The following RBBP4 variants were observed in gnomAD, a reference collection of about 807,000 sequenced individuals.
RBBP4 encodes RB binding protein 4, chromatin remodeling factor.
A neutral mutation model predicts 57.2 loss-of-function variants in RBBP4; 3 were observed. The observed-to-expected ratio is 0.05, with a 90% confidence interval of 0.02 to 0.14. RBBP4 has a LOEUF of 0.14. Among genes scored for constraint, RBBP4 ranks in the 10% least tolerant of loss-of-function variants. The pLI is 1.00. For synonymous variants in RBBP4, 151 were observed against 171.5 expected (o/e 0.88, Z 0.93); for missense variants, 107 against 520.6 (o/e 0.21, Z 7.73).
At chr1:32,660,441 G>T (rs1206012908) in intron 3 of RBBP4, among the ~76,000 whole-genome samples, 2 of 14,566 alleles carry the variant, frequency 1.4e-4, no homozygotes, top group Non-Finnish European at 2.0e-4. Context: ...TTTTGAGTCG[G>T]AGTCTGGCTC....
At chr1:32,670,841 G>A (rs891663422) in intron 8 of RBBP4, among the ~76,000 whole-genome samples, 1 of 152,200 alleles carries the variant, frequency 6.6e-6, no homozygotes, top group African/African-American at 2.4e-5. Context: ...TAATTCTGGT[G>A]TGTGAAGGTG....
rs1553194653 is a variant in RBBP4, at chr1:32,661,811, T to TTC, written c.310+4239_310+4240insTC. On this transcript the variant is annotated intron_variant, in intron 3 of 11. Transcript: ENST00000373493. ...ATTGGTGATGTTGATCTTTTTTTTTTCACATTCGTTGTCTGCTTATATGTG... is the reference window on the plus strand; with the variant it reads ...ATTGGTGATGTTGATCTTTTTTTTTTTCCACATTCGTTGTCTGCTTATATGTG... Among the ~76,000 whole-genome samples the TTC allele has an allele frequency of 2.3e-3, 330 of 144,554 alleles. 3 individuals carry two copies. The highest frequency in any genetic ancestry group is 7.7e-3 in the African/African-American group (297 of 38,778). 94.8% of individuals were successfully genotyped at this position (144,554 alleles called of 152,430 possible).
Position 32,681,875 on chromosome 1 carries a change from GAA to G in RBBP4, c.*2174_*2175del. ...CTAAACAGCCCCTGTAAAGTTGAAA[GAA>G]AAAGTTTATAACAGTGAACTTCTGA... On this transcript the variant is annotated 3_prime_UTR_variant, in exon 12 of 12. Transcript: ENST00000373493. The G allele has an allele frequency of 6.2e-7, 1 of 1,613,226 alleles. No homozygotes were observed.
chr1:32,679,562 C>G (rs1202255437), intron 11 of RBBP4, 78 bp from the exon 12 acceptor site: 5 of 1,313,432 alleles, frequency 3.8e-6, no homozygotes, highest in African/African-American at 1.5e-5. Context: ...CTCTGGCTTC[C>G]TGGCCTAATC....
chr1:32,652,376 G>A, intron 2 of RBBP4: 1 of 227,612 alleles, frequency 4.4e-6, no homozygotes, highest in South Asian at 7.1e-5. Context: ...TTATGGCCAG[G>A]AGCAGTGGCT....
At chr1:32,668,509 T>C (rs1383405444) in intron 4 of RBBP4, 111 bp downstream of exon 4, 2 of 1,178,106 alleles carry the variant, frequency 1.7e-6, no homozygotes, top group Non-Finnish European at 2.4e-6. Flanking sequence ...TCTTGTGATT[T>C]GTATTGATAT....
intron 3 of RBBP4, among the ~76,000 whole-genome samples, chr1:32,663,069 C>T (rs1648493180): frequency 6.6e-6 from 1 of 152,026 alleles, no homozygotes. Flanking sequence ...ATATATTTTA[C>T]TCAAGCTGGT....
intron 3 of RBBP4, among the ~76,000 whole-genome samples, chr1:32,667,510 G>C (rs1463691744): frequency 6.6e-6 from 1 of 152,036 alleles, no homozygotes; most frequent in Non-Finnish European, 1.5e-5. Context: ...GGCCACTGCC[G>C]GTCTCTGCGT....
intron 11 of RBBP4, among the ~76,000 whole-genome samples, chr1:32,678,849 C>T (rs1649244661): frequency 6.7e-6 from 1 of 150,216 alleles, no homozygotes; most frequent in African/African-American, 2.5e-5. Context: ...CTCAGCCTCC[C>T]AAGTGCTGGG....
intron 2 of RBBP4, among the ~76,000 whole-genome samples, chr1:32,653,758 A>G (rs910241434): frequency 4.6e-4 from 65 of 140,510 alleles, no homozygotes; most frequent in African/African-American, 1.6e-3. Context: ...TCCCGGGTTC[A>G]CGCCATTTTC....
chr1:32,655,578 T>C (rs1184903571), intron 2 of RBBP4, among the ~76,000 whole-genome samples: 4 of 152,340 alleles, frequency 2.6e-5, no homozygotes, highest in South Asian at 4.1e-4. Context: ...AGAATTCCTA[T>C]TGATATCTTT....
chr1:32,663,040 A>C (rs1648492082), intron 3 of RBBP4, among the ~76,000 whole-genome samples: 1 of 152,110 alleles, frequency 6.6e-6, no homozygotes, highest in Non-Finnish European at 1.5e-5. Flanking sequence ...TCTTTAGTCC[A>C]AATTTATAAT....
At chr1:32,664,875 T>C (rs1648577978) in intron 3 of RBBP4, among the ~76,000 whole-genome samples, 1 of 152,190 alleles carries the variant, frequency 6.6e-6, no homozygotes, top group Non-Finnish European at 1.5e-5. Flanking sequence ...CACACAAATT[T>C]TTTGTATGTT....
chr1:32,658,183 A>G (rs1648226646), intron 3 of RBBP4, among the ~76,000 whole-genome samples: 1 of 152,130 alleles, frequency 6.6e-6, no homozygotes, highest in South Asian at 2.1e-4. Flanking sequence ...CACGGGAGAT[A>G]ACTACCCCTA....
In RBBP4 at chr1:32,684,308, T is replaced by C; in HGVS notation, c.*4603T>C. 1 of 1,614,212 alleles carries C rather than the reference T, an allele frequency of 6.2e-7. No homozygotes were observed. On this transcript the variant is annotated 3_prime_UTR_variant, in exon 12 of 12. Coordinates refer to ENST00000373493, the MANE Select transcript of RBBP4 (RefSeq NM_005610.3). ...GACTGAGCCTTAGCTGTTCCATCTC[T>C]TTGTTCTTCTGTTGCTGGAGTTGCA...
intron 2 of RBBP4, among the ~76,000 whole-genome samples, chr1:32,656,501 G>A (rs572089716): frequency 1.6e-4 from 24 of 152,190 alleles, no homozygotes; most frequent in African/African-American, 4.3e-4. Context: ...TACAGGCACC[G>A]CCACCACACC....
In RBBP4 at chr1:32,680,357, GTT is replaced by G. The variant is rs372285843; in HGVS notation, c.*670_*671del. ...AATGGTGTTTTTTTTTTTGTTGTTG[GTT>G]TTTTTTTTTTTTTTTTTAACTTGGG... On this transcript the variant is annotated 3_prime_UTR_variant, in exon 12 of 12. Coordinates refer to ENST00000373493, the MANE Select transcript of RBBP4 (RefSeq NM_005610.3). 15,165 of 933,598 alleles carry G rather than the reference GTT, an allele frequency of 0.016. No homozygotes were observed. Among genetic ancestry groups the G allele is most frequent in the East Asian group, 0.044 (639 of 14,392 alleles). The allele number at this position is 933,598 out of a possible 1,614,324, so 57.8% of individuals were successfully genotyped here.
Position 32,680,435 on chromosome 1 carries a change from T to TATAACTGTGGTATAC in RBBP4, c.*731_*732insTAACTGTGGTATACA, listed in dbSNP as rs1649363604. On this transcript the variant is annotated 3_prime_UTR_variant, in exon 12 of 12. Transcript: ENST00000373493. The stretch of plus-strand genomic sequence containing the variant: ...TTTTACCTGACAGTTATACCACAGG[T>TATAACTGTGGTATAC]AGACTGTCAAGTTGAGAAGAGTGAA... 1 of 1,469,610 alleles carries TATAACTGTGGTATAC rather than the reference T, an allele frequency of 6.8e-7. No individual in the cohort carries two copies. 91.0% of individuals were successfully genotyped at this position (1,469,610 alleles called of 1,614,324 possible).
In RBBP4 at chr1:32,683,282, AAAAG is replaced by A. The variant is rs1307791293; in HGVS notation, c.*3579_*3582del. ...TCCGTCTCAAAAAAAAAAAAAAAAAAAAAGAGTAAGTCTGTGTAACATGAACATC... is the reference window on the plus strand; with the variant it reads ...TCCGTCTCAAAAAAAAAAAAAAAAAAAGTAAGTCTGTGTAACATGAACATC... On this transcript the variant is annotated 3_prime_UTR_variant, in exon 12 of 12. Transcript: ENST00000373493. The A allele has an allele frequency of 5.3e-5, 8 of 152,118 alleles. No individual in the cohort carries two copies. The highest frequency in any genetic ancestry group is 1.9e-4 in the East Asian group (1 of 5,188). The allele number at this position is 152,118 out of a possible 1,614,324, so 9.4% of individuals were successfully genotyped here. A position where few individuals can be genotyped will look rare whatever the true frequency, so the allele number is the denominator to read the frequency against.
Sources: allele counts gnomAD v4.1 joint callset (sites outside exome capture counted in the v4.1 genomes callset), GRCh38; gene constraint gnomAD v4.1.1; transcripts MANE v1.5; gene names NCBI Gene and HGNC (gene_info 2026-07-23, HGNC 2026-07-21).